Variants in TMED10 observed in about 807,000 individuals in gnomAD.
The protein encoded by TMED10 is transmembrane p24 trafficking protein 10.
Under a neutral mutation model 23.1 loss-of-function variants are expected in TMED10, and 7 were observed. That is an observed-to-expected ratio of 0.30 (90% CI 0.17 to 0.57). The LOEUF is 0.57. TMED10 is among the 20% of genes least tolerant of loss of function. TMED10 has a pLI of 0.91. For synonymous variants in TMED10, 113 were observed against 106.9 expected, an observed-to-expected ratio of 1.06 and a Z score of -0.35; for missense variants, 162 against 274.8, an observed-to-expected ratio of 0.59 and a Z score of 2.90.
At chr14:75,138,812 CT>C (rs59707221) in intron 3 of TMED10, among the ~76,000 whole-genome samples, 185 of 95,030 alleles carry the variant, frequency 1.9e-3, no homozygotes, top group African/African-American at 6.1e-3. Context: ...GCCTTTGCTT[CT>C]TTTTTTTTTT....
At chr14:75,165,860 A>G (rs1896154243) in intron 1 of TMED10, among the ~76,000 whole-genome samples, 2 of 152,296 alleles carry the variant, frequency 1.3e-5, no homozygotes, top group South Asian at 4.1e-4. Flanking sequence ...AGAAATGCTG[A>G]AAACCAGAAA....
At chr14:75,161,816 C>T (rs762664896) in intron 1 of TMED10, among the ~76,000 whole-genome samples, 1 of 146,458 alleles carries the variant, frequency 6.8e-6, no homozygotes, top group African/African-American at 2.5e-5. Flanking sequence ...AGCACAACTG[C>T]ATTTAAAAAA....
At chr14:75,141,341 G>C (rs1895820183) in intron 3 of TMED10, among the ~76,000 whole-genome samples, 1 of 152,134 alleles carries the variant, frequency 6.6e-6, no homozygotes, top group Admixed American at 6.5e-5. Context: ...TGGTGTGCTA[G>C]AAACTAGACT....
At chr14:75,162,546 C>T (rs770438315) in intron 1 of TMED10, among the ~76,000 whole-genome samples, 14 of 152,042 alleles carry the variant, frequency 9.2e-5, no homozygotes, top group African/African-American at 3.4e-4. Flanking sequence ...AAGCATAACT[C>T]CCCACTCCTT....
At chr14:75,140,545 T>C (rs540890166) in intron 3 of TMED10, among the ~76,000 whole-genome samples, 1 of 152,090 alleles carries the variant, frequency 6.6e-6, no homozygotes, top group African/African-American at 2.4e-5. Flanking sequence ...CAGTCTTTAT[T>C]AAAATTACAA....
At chr14:75,162,447 ATGAT>A (rs1467667874) in intron 1 of TMED10, among the ~76,000 whole-genome samples, 2 of 152,202 alleles carry the variant, frequency 1.3e-5, no homozygotes, top group Non-Finnish European at 2.9e-5. Context: ...TTACATATAA[ATGAT>A]TGATTAAATA....
chr14:75,138,812 CTTTTTTTTTT>C (rs59707221), intron 3 of TMED10, among the ~76,000 whole-genome samples: 4 of 95,052 alleles, frequency 4.2e-5, no homozygotes, highest in African/African-American at 1.4e-4. Flanking sequence ...GCCTTTGCTT[CTTTTTTTTTT>C]TTTTTTTTTT....
chr14:75,140,034 CT>C (rs1335709719), intron 3 of TMED10, among the ~76,000 whole-genome samples: 1 of 152,194 alleles, frequency 6.6e-6, no homozygotes, highest in Admixed American at 6.5e-5. Flanking sequence ...GTAATTCCGC[CT>C]TCCTCCATGT....
chr14:75,175,586 T>C (rs1399425119), intron 1 of TMED10, among the ~76,000 whole-genome samples: 13 of 120,182 alleles, frequency 1.1e-4, no homozygotes, highest in Non-Finnish European at 1.5e-4. Context: ...CACCGGGGCC[T>C]GTCGTGGGGT....
chr14:75,147,182 G>C (rs1267534412), intron 3 of TMED10, among the ~76,000 whole-genome samples: 3 of 91,656 alleles, frequency 3.3e-5, no homozygotes, highest in African/African-American at 4.7e-5. Flanking sequence ...ATTCTTCAAG[G>C]CTGTTTTTTT....
In TMED10 at chr14:75,154,474, GTTATT is replaced by G. The variant is rs544049528; in HGVS notation, c.226-2336_226-2332del. Among the ~76,000 whole-genome samples the G allele has an allele frequency of 2.7e-3, 253 of 94,934 alleles. 2 individuals carry two copies. The highest frequency in any genetic ancestry group is 9.2e-3 in the African/African-American group (232 of 25,338). The allele number at this position is 94,934 out of a possible 152,430, so 62.3% of individuals were successfully genotyped here. Reference sequence around the variant, plus strand: ...ACTTATATTCAAAAATAATAATAAAGTTATTTTATTTTGGAAAAAATTGATAATAA... The same window carrying G: ...ACTTATATTCAAAAATAATAATAAAGTTATTTTGGAAAAAATTGATAATAA... On this transcript the variant is annotated intron_variant, in intron 1 of 4. Transcript: ENST00000303575.
chr14:75,176,112 G>A (rs71429081), intron 1 of TMED10: 1 of 572,986 alleles, frequency 1.7e-6, no homozygotes, highest in Non-Finnish European at 3.1e-6. Context: ...CCCCAGCTCA[G>A]GTGTCACCAC....
At chr14:75,175,039 C>CAAAAAAAAA (rs57423430) in intron 1 of TMED10, among the ~76,000 whole-genome samples, 19 of 87,082 alleles carry the variant, frequency 2.2e-4, no homozygotes, top group African/African-American at 6.6e-4. Flanking sequence ...GACTCCGTCT[C>CAAAAAAAAA]AAAAAAAAAA....
intron 1 of TMED10, among the ~76,000 whole-genome samples, chr14:75,175,658 T>G (rs938065451): frequency 6.6e-6 from 1 of 151,660 alleles, no homozygotes; most frequent in South Asian, 2.1e-4. Context: ...AGTTAATGGG[T>G]GCAGCACACC....
chr14:75,163,552 C>CAAAAAAAAAAAAAAAAAA (rs758185921), intron 1 of TMED10, among the ~76,000 whole-genome samples: 1 of 60,758 alleles, frequency 1.6e-5, no homozygotes, highest in African/African-American at 6.2e-5. Flanking sequence ...GACTCCGTAT[C>CAAAAAAAAAAAAAAAAAA]AAAAAAAAAA....
At chr14:75,149,752 A>G (rs1895933217) in intron 2 of TMED10, among the ~76,000 whole-genome samples, 1 of 152,252 alleles carries the variant, frequency 6.6e-6, no homozygotes, top group Non-Finnish European at 1.5e-5. Context: ...CAGACGGCAA[A>G]GCATGAGCAA....
At chr14:75,170,597 T>G (rs1006745682) in intron 1 of TMED10, among the ~76,000 whole-genome samples, 2 of 152,012 alleles carry the variant, frequency 1.3e-5, no homozygotes, top group Non-Finnish European at 2.9e-5. Flanking sequence ...TAAAACACAA[T>G]GATTCTAAAA....
At chr14:75,169,108 G>C (rs1002314518) in intron 1 of TMED10, among the ~76,000 whole-genome samples, 2 of 152,294 alleles carry the variant, frequency 1.3e-5, no homozygotes, top group South Asian at 4.1e-4. Context: ...GTGCTTGCTC[G>C]TCTGTTCACT....
intron 1 of TMED10, among the ~76,000 whole-genome samples, chr14:75,164,560 TATATATATATA>T (rs1896131756): frequency 7.2e-4 from 4 of 5,590 alleles, no homozygotes; most frequent in African/African-American, 1.4e-3. Flanking sequence ...TATATATATA[TATATATATATA>T]TATATATTTT....
Sources: gnomAD v4.1 joint callset for allele counts (sites outside exome capture counted in the v4.1 genomes callset) on GRCh38, gnomAD v4.1.1 for gene constraint, MANE v1.5 for transcripts, NCBI Gene and HGNC (gene_info 2026-07-23, HGNC 2026-07-21) for gene names.